TGM5: variants seen among roughly 807,000 people sequenced by gnomAD.
TGM5 encodes protein-glutamine gamma-glutamyltransferase 5.
A neutral mutation model predicts 77.2 loss-of-function variants in TGM5; 69 were observed. The observed-to-expected ratio is 0.89, with a 90% CI of 0.74 to 1.09. TGM5 has a LOEUF of 1.09. Among genes scored for constraint, TGM5 ranks in the 50% least tolerant of loss-of-function variants. The probability of loss-of-function intolerance (pLI) is 0.00; values close to 1 mark genes in which losing one functional copy is unlikely to be tolerated. For synonymous variants in TGM5, 346 were observed against 351.8 expected, an observed-to-expected ratio of 0.98 and a Z score of 0.18; for missense variants, 842 against 896.5, an observed-to-expected ratio of 0.94 and a Z score of 0.78.
chr15:43,240,773 C>G (rs1216537632), intron 7 of TGM5, 79 bp downstream of exon 7: 6 of 1,595,418 alleles, frequency 3.8e-6, no homozygotes, highest in Non-Finnish European at 5.1e-6. Context: ...GCTCATGGAC[C>G]TCGTTCTGCC....
intron 6 of TGM5, among the ~76,000 whole-genome samples, chr15:43,251,053 C>T (rs1305286528): frequency 6.6e-6 from 1 of 152,188 alleles, no homozygotes; most frequent in Non-Finnish European, 1.5e-5. Context: ...CTAGGCTTTT[C>T]CACACACTGG....
Position 43,260,449 on chromosome 15 carries a change from G to T in TGM5, c.141C>A (p.Asn47Lys). 1 of 1,614,176 alleles carries T rather than the reference G, an allele frequency of 6.2e-7. No individual in the cohort carries two copies. Among genetic ancestry groups the T allele is most frequent in the South Asian group, 1.1e-5 (1 of 91,082 alleles). Reference protein sequence around the residue: ...QAFNLTLYFRNRSFQPGLDNI... With the variant: ...QAFNLTLYFRKRSFQPGLDNI... ...TGTCCAGGCCTGGCTGGAAGCTCCGGTTCCTGAAGTACAGGGTGAGGTTGA... is the reference window on the plus strand; with the variant it reads ...TGTCCAGGCCTGGCTGGAAGCTCCGTTTCCTGAAGTACAGGGTGAGGTTGA... Residue 47 changes from asparagine (N) to lysine (K), a missense_variant, in exon 2 of 13, where the codon AAC (asparagine) becomes AAA (lysine). Physicochemically the swap from Asn to Lys is moderately conservative, Grantham distance 94 (BLOSUM62 0). This residue lies in a region of TGM5 where 815 missense variants were observed against 844.6 expected (regional missense o/e 0.96). Transcript: ENST00000220420.
rs139717874 is a variant in TGM5 at position 43,262,651 on chromosome 15, G to C, written c.11-2072C>G. Among the ~76,000 whole-genome samples the C allele has an allele frequency of 2.9e-3, 449 of 152,258 alleles. 3 individuals carry two copies. Among genetic ancestry groups the C allele is most frequent in the South Asian group, 0.013 (64 of 4,824 alleles). ...AATACAAAAGTTAGCCGGGCGTGGT[G>C]GTGGGCCCCTGTAATCCCAGCTACT... On this transcript the variant is annotated intron_variant, in intron 1 of 12. Transcript: ENST00000220420.
chr15:43,242,657 G>C (rs1566830898), intron 6 of TGM5, among the ~76,000 whole-genome samples: 1 of 152,228 alleles, frequency 6.6e-6, no homozygotes, highest in Admixed American at 6.5e-5. Flanking sequence ...GTGGGGACAG[G>C]CCTCTGGATG....
intron 9 of TGM5, among the ~76,000 whole-genome samples, chr15:43,236,714 C>G (rs1200422872): frequency 6.6e-6 from 1 of 151,976 alleles, no homozygotes; most frequent in Non-Finnish European, 1.5e-5. Flanking sequence ...CACCTGTAAT[C>G]CCACCACTTT....
intron 10 of TGM5, 78 bp downstream of exon 10, chr15:43,235,391 C>G: frequency 6.2e-7 from 1 of 1,603,002 alleles, no homozygotes; most frequent in Non-Finnish European, 8.5e-7. Flanking sequence ...GGTCTGCCCC[C>G]AGAACCCTGT....
At chr15:43,242,984 G>A (rs1048147322) in intron 6 of TGM5, among the ~76,000 whole-genome samples, 3 of 152,146 alleles carry the variant, frequency 2.0e-5, no homozygotes, top group African/African-American at 7.2e-5. Flanking sequence ...CAGGGAGCAA[G>A]CCTCCCCCTG....
Position 43,259,947 on chromosome 15 carries a change from A to C in TGM5, c.436+105T>G, listed in dbSNP as rs1043382437. On this transcript the variant is annotated intron_variant, in intron 3 of 12. Coordinates refer to ENST00000220420, the MANE Select transcript of TGM5 (RefSeq NM_201631.4). Reference sequence around the variant, plus strand: ...GGATGCTGAGTGCAGGGAATTGAGGAGGCTCTGGGTGGCCCGGGAGCGGGG... The same window carrying C: ...GGATGCTGAGTGCAGGGAATTGAGGCGGCTCTGGGTGGCCCGGGAGCGGGG... 2.6e-6 allele frequency: 4 copies of C among 1,534,542 alleles called. No homozygotes were observed. In the African/African-American group the frequency reaches 5.5e-5, roughly 21 times the overall value.
rs774897097 is a variant in TGM5, at chr15:43,253,635, C to G, written c.556-1G>C. On this transcript the variant is annotated splice_acceptor_variant, in intron 4 of 12. Transcript: ENST00000220420. LOFTEE classifies it high-confidence loss of function. Reference sequence around the variant, plus strand: ...AGATGTCTATGATTTTGTCTTCAAACTTCGGGGGGAGAGGCAGAGAGGGAA... The same window carrying G: ...AGATGTCTATGATTTTGTCTTCAAAGTTCGGGGGGAGAGGCAGAGAGGGAA... 2 of 1,612,724 alleles carry G rather than the reference C, an allele frequency of 1.2e-6. No individual in the cohort carries two copies. Among genetic ancestry groups the G allele is most frequent in the Admixed American group, 3.3e-5 (2 of 60,030 alleles).
chr15:43,244,811 T>C (rs1008978787), intron 6 of TGM5, among the ~76,000 whole-genome samples: 5 of 152,216 alleles, frequency 3.3e-5, no homozygotes, highest in Non-Finnish European at 7.3e-5. Flanking sequence ...CTCAGGCTGG[T>C]AATCCCAGCA....
intron 11 of TGM5, 115 bp from the exon 12 acceptor site, chr15:43,233,802 T>G: frequency 4.9e-6 from 6 of 1,221,602 alleles, no homozygotes; most frequent in Non-Finnish European, 7.1e-6. Context: ...ATATGCCACT[T>G]TGGCATAAGA....
intron 1 of TGM5, among the ~76,000 whole-genome samples, chr15:43,261,096 T>TG (rs2042787148): frequency 3.8e-5 from 5 of 131,332 alleles, no homozygotes; most frequent in African/African-American, 1.5e-4. Flanking sequence ...TTTTTTTTTT[T>TG]TTTTTTTTTT....
At position 43,253,491 on chromosome 15, in the gene TGM5, C is replaced by T. The variant is rs367910565; in HGVS notation, c.684+15G>A. 173 of 1,609,822 alleles carry T rather than the reference C, an allele frequency of 1.1e-4. No homozygotes were observed. Among genetic ancestry groups the T allele is most frequent in the Admixed American group, 6.7e-4 (40 of 60,006 alleles). On this transcript the variant is annotated intron_variant, in intron 5 of 12. Transcript: ENST00000220420. ...GCACAGCTTCCTCCCTCCCCGGGCA[C>T]GCCAGGGACCTCACCATGGCACACA...
At chr15:43,234,140 A>G (rs984333383) in intron 11 of TGM5, among the ~76,000 whole-genome samples, 39 of 152,164 alleles carry the variant, frequency 2.6e-4, no homozygotes, top group Non-Finnish European at 1.8e-4. Context: ...CTTCTTTGCT[A>G]AGATGCCACA....
At chr15:43,239,482 G>C (rs2042618322) in intron 7 of TGM5, 1 of 565,078 alleles carries the variant, frequency 1.8e-6, no homozygotes, top group East Asian at 3.0e-5. Context: ...AGGAGTTCAA[G>C]ATTAACCTGG....
In TGM5 at chr15:43,252,936, T is replaced by C; in HGVS notation, c.685A>G (p.Ile229Val). ...ACCCCATTATCATCATTGCTGTTGA[T>C]CTGAAGAGAAGCCATATAGAGAAGT... Reference protein sequence around the residue: ...VYVSRVVCAMINSNDDNGVLN... With the variant: ...VYVSRVVCAMVNSNDDNGVLN... The change falls in exon 6 of 13, where the codon ATC (isoleucine) becomes GTC (valine). Residue 229 changes from isoleucine to valine, a missense_variant and splice_region_variant. Around this residue, in one of 2 missense-constraint regions of TGM5, gnomAD observed 815 missense variants for 844.6 expected, o/e 0.96. Transcript: ENST00000220420. 6.2e-7 allele frequency: 1 copy of C among 1,612,948 alleles called. No homozygotes were observed. The highest frequency in any genetic ancestry group is 8.5e-7 in the Non-Finnish European group (1 of 1,180,010).
At chr15:43,236,917 G>A (rs1025220259) in intron 9 of TGM5, among the ~76,000 whole-genome samples, 5 of 150,642 alleles carry the variant, frequency 3.3e-5, no homozygotes, top group African/African-American at 1.2e-4. Flanking sequence ...TGCAGTGAGC[G>A]GAGATCATGC....
chr15:43,236,142 A>T (rs926241026), intron 9 of TGM5, among the ~76,000 whole-genome samples: 2 of 152,210 alleles, frequency 1.3e-5, no homozygotes, highest in Non-Finnish European at 2.9e-5. Context: ...AAGTCACACA[A>T]CTAGTAAGGA....
At chr15:43,240,781 G>A in intron 7 of TGM5, 71 bp downstream of exon 7, 1 of 1,602,958 alleles carries the variant, frequency 6.2e-7, no homozygotes, top group South Asian at 1.1e-5. Flanking sequence ...ACCTCGTTCT[G>A]CCCTTCCTCC....
Sources: gnomAD v4.1 joint callset for allele counts (sites outside exome capture counted in the v4.1 genomes callset) on GRCh38, gnomAD v4.1.1 for gene constraint, gnomAD v4.1.1 regional missense constraint, MANE v1.5 for transcripts, NCBI Gene and HGNC (gene_info 2026-07-23, HGNC 2026-07-21) for gene names.